DNM3: variants seen among roughly 807,000 people sequenced by gnomAD.
DNM3 encodes the protein dynamin 3.
A neutral mutation model predicts 101.6 loss-of-function variants in DNM3; 47 were observed. The observed-to-expected ratio is 0.46, with a 90% CI of 0.37 to 0.59. DNM3 has a LOEUF of 0.59. DNM3 is among the 20% of genes least tolerant of loss of function. The probability of loss-of-function intolerance (pLI) is 0.00; values close to 1 mark genes in which losing one functional copy is unlikely to be tolerated. For synonymous variants in DNM3, 385 were observed against 387.9 expected, an observed-to-expected ratio of 0.99 and a Z score of 0.09; for missense variants, 849 against 1,085.7, an observed-to-expected ratio of 0.78 and a Z score of 3.06.
intron 1 of DNM3, among the ~76,000 whole-genome samples, chr1:171,876,134 G>T (rs1277018628): frequency 6.6e-6 from 1 of 152,082 alleles, no homozygotes; most frequent in Non-Finnish European, 1.5e-5. Flanking sequence ...TTAAAGATAC[G>T]TACTTACATC....
At chr1:171,872,724 C>T (rs952890303) in intron 1 of DNM3, among the ~76,000 whole-genome samples, 1 of 151,702 alleles carries the variant, frequency 6.6e-6, no homozygotes, top group Non-Finnish European at 1.5e-5. Context: ...TGTGGAAAGT[C>T]GATGTTTGCT....
intron 14 of DNM3, chr1:172,133,508 G>C: frequency 1.2e-6 from 1 of 850,994 alleles, no homozygotes; most frequent in Non-Finnish European, 1.4e-6. Context: ...GAATTATTTA[G>C]ATGAAGAAAT....
At chr1:172,204,280 T>C (rs2060253250) in intron 14 of DNM3, among the ~76,000 whole-genome samples, 1 of 115,944 alleles carries the variant, frequency 8.6e-6, no homozygotes, top group African/African-American at 4.9e-5. Context: ...CATAAACTGA[T>C]ACAAGCAGTG....
chr1:172,241,617 C>T (rs1284061776), intron 14 of DNM3, among the ~76,000 whole-genome samples: 1 of 152,038 alleles, frequency 6.6e-6, no homozygotes, highest in African/African-American at 2.4e-5. Context: ...GGCTGAGTTT[C>T]CAGGAATGGC....
chr1:171,983,754 C>G (rs1400088063), intron 2 of DNM3, among the ~76,000 whole-genome samples: 1 of 152,156 alleles, frequency 6.6e-6, no homozygotes, highest in East Asian at 1.9e-4. Context: ...AAAAGCTGCC[C>G]TTTCCTCAAG....
At chr1:171,858,513 G>T (rs2033845563) in intron 1 of DNM3, among the ~76,000 whole-genome samples, 1 of 152,146 alleles carries the variant, frequency 6.6e-6, no homozygotes, top group Non-Finnish European at 1.5e-5. Flanking sequence ...ATACTGAAAA[G>T]ATTGGTCCAT....
chr1:172,415,203 T>C (rs927410643), downstream of DNM3: 9 of 152,246 alleles, frequency 5.9e-5, no homozygotes, highest in African/African-American at 2.2e-4. Flanking sequence ...GAAAGTCACA[T>C]TGGAACAGGT....
rs549918351 is a variant in DNM3, at chr1:172,344,161, C to T, written c.1893+20821C>T. ...GCCCGGCCAGGCAAGATTCAGAGGA[C>T]TTCATCCTCTGAAAGTGACTTACAT... On this transcript the variant is annotated intron_variant, in intron 17 of 20. Transcript: ENST00000627582. 1.7e-4 allele frequency among the ~76,000 whole-genome samples: 26 copies of T among 152,300 alleles called. No homozygotes were observed. In the South Asian group the frequency reaches 5.0e-3, roughly 29 times the overall value.
intron 1 of DNM3, among the ~76,000 whole-genome samples, chr1:171,884,821 A>G (rs2036619721): frequency 2.6e-5 from 4 of 152,208 alleles, no homozygotes; most frequent in African/African-American, 9.7e-5. Context: ...CTTCTGATAC[A>G]TTTGCTTCTG....
At chr1:172,325,159 A>G (rs771422596) in intron 17 of DNM3, among the ~76,000 whole-genome samples, 10 of 152,182 alleles carry the variant, frequency 6.6e-5, no homozygotes, top group Non-Finnish European at 1.2e-4. Context: ...CTGATTTTCA[A>G]GTCACTAAAT....
At chr1:172,127,496 C>T (rs1041621536) in intron 13 of DNM3, among the ~76,000 whole-genome samples, 1 of 151,468 alleles carries the variant, frequency 6.6e-6, no homozygotes, top group African/African-American at 2.4e-5. Flanking sequence ...GCAACCTCTG[C>T]CTCCTGTGTT....
chr1:172,068,727 T>G, intron 10 of DNM3, 92 bp from the exon 11 acceptor site: 1 of 1,142,182 alleles, frequency 8.8e-7, no homozygotes, highest in Non-Finnish European at 1.3e-6. Context: ...TGGCAATGAA[T>G]ATCTTCTGTA....
At chr1:172,071,189 G>C (rs372876663) in intron 11 of DNM3, among the ~76,000 whole-genome samples, 21 of 147,834 alleles carry the variant, frequency 1.4e-4, no homozygotes, top group Non-Finnish European at 2.5e-4. Flanking sequence ...TGGTAGATTC[G>C]AGGAAGAATT....
intron 2 of DNM3, among the ~76,000 whole-genome samples, chr1:171,983,807 C>T (rs2045020128): frequency 6.6e-6 from 1 of 152,204 alleles, no homozygotes; most frequent in South Asian, 2.1e-4. Flanking sequence ...AGTAGAGACA[C>T]CTATCCAAAG....
chr1:172,308,606 C>A, intron 15 of DNM3, 122 bp from the exon 16 acceptor site: 10 of 425,984 alleles, frequency 2.3e-5, no homozygotes, highest in Non-Finnish European at 4.1e-6. Context: ...TGTTTTCCTT[C>A]AGTGACTGTC....
chr1:171,924,524 T>C (rs1301881489), intron 2 of DNM3, among the ~76,000 whole-genome samples: 1 of 152,156 alleles, frequency 6.6e-6, no homozygotes, highest in Non-Finnish European at 1.5e-5. Context: ...AGGCACCTTC[T>C]TCACAAGGTG....
intron 1 of DNM3, among the ~76,000 whole-genome samples, chr1:171,919,856 C>T (rs1181888931): frequency 6.6e-6 from 1 of 151,970 alleles, no homozygotes; most frequent in Non-Finnish European, 1.5e-5. Context: ...TGTTTTGTTC[C>T]CATTAGGTTC....
downstream of DNM3, among the ~76,000 whole-genome samples, chr1:172,415,532 T>TTTG (rs1553256655): frequency 9.0e-6 from 1 of 110,826 alleles, no homozygotes; most frequent in East Asian, 3.4e-4. Flanking sequence ...GAGTTTTTTT[T>TTTG]TTTTTTTTTT....
intron 14 of DNM3, among the ~76,000 whole-genome samples, chr1:172,211,511 T>C (rs1252954796): frequency 1.3e-5 from 2 of 152,098 alleles, no homozygotes; most frequent in African/African-American, 4.8e-5. Context: ...CACAATGAAA[T>C]TGATTACTGT....
Sources: allele counts gnomAD v4.1 joint callset (sites outside exome capture counted in the v4.1 genomes callset), GRCh38; gene constraint gnomAD v4.1.1; transcripts MANE v1.5; gene names NCBI Gene and HGNC (gene_info 2026-07-23, HGNC 2026-07-21).